SLC30A8: variants seen among roughly 807,000 people sequenced by gnomAD.
SLC30A8 encodes proton-coupled zinc antiporter SLC30A8.
A neutral mutation model predicts 36.9 loss-of-function variants in SLC30A8; 27 were observed. The observed-to-expected ratio is 0.73, with a 90% CI of 0.54 to 1.01. The LOEUF (loss-of-function observed/expected upper bound fraction) is 1.01, where lower values mean the gene tolerates loss of function less well. Ranked by LOEUF, SLC30A8 falls within the 50% of genes least tolerant of loss-of-function variation. The pLI, the probability that SLC30A8 is intolerant of heterozygous loss-of-function variation, is 0.00. For synonymous variants in SLC30A8, 164 were observed against 172.4 expected (o/e 0.95, Z 0.38); for missense variants, 439 against 452.0 (o/e 0.97, Z 0.26).
chr8:116,950,546 A>G (rs1267381303), upstream of SLC30A8: 1 of 152,254 alleles, frequency 6.6e-6, no homozygotes, highest in African/African-American at 2.4e-5. Context: ...AAGGCGTCTC[A>G]GGACTGAACT....
chr8:116,969,248 T>C (rs1189573571), intron 1 of SLC30A8, among the ~76,000 whole-genome samples: 2 of 152,026 alleles, frequency 1.3e-5, no homozygotes, highest in African/African-American at 4.8e-5. Flanking sequence ...TGAAACCCCA[T>C]CTCTACTAAA....
chr8:117,099,865 C>T (rs1214760034), intron 2 of SLC30A8, among the ~76,000 whole-genome samples: 1 of 152,140 alleles, frequency 6.6e-6, no homozygotes, highest in Non-Finnish European at 1.5e-5. Context: ...GCTTTACATA[C>T]TGTATTTCAT....
At chr8:117,162,179 A>G (rs1031502766) in intron 5 of SLC30A8, among the ~76,000 whole-genome samples, 1 of 152,224 alleles carries the variant, frequency 6.6e-6, no homozygotes, top group Non-Finnish European at 1.5e-5. Context: ...GACAGACATC[A>G]AAGTAGAAAT....
At chr8:116,980,818 T>C (rs1815226367) in intron 1 of SLC30A8, among the ~76,000 whole-genome samples, 1 of 152,226 alleles carries the variant, frequency 6.6e-6, no homozygotes, top group Admixed American at 6.5e-5. Context: ...AATGCACATA[T>C]GAATATTTCT....
At position 117,176,183 on chromosome 8, in the gene SLC30A8, T is replaced by G. The variant is rs1271689212; in HGVS notation, c.*3502T>G. ...TCACTTACTTAATATCTGTTAAATT[T>G]TGTGACCCAACAAAGTCTTTTAGCA... On this transcript the variant is annotated 3_prime_UTR_variant, in exon 8 of 8. Transcript: ENST00000456015. 1 of 152,348 alleles carries G rather than the reference T, an allele frequency of 6.6e-6. No individual in the cohort carries two copies. The highest frequency in any genetic ancestry group is 2.4e-5 in the African/African-American group (1 of 41,434). The allele number at this position is 152,348 out of a possible 1,614,324, so 9.4% of individuals were successfully genotyped here.
chr8:116,969,670 A>G (rs913227297), intron 1 of SLC30A8, among the ~76,000 whole-genome samples: 2 of 152,186 alleles, frequency 1.3e-5, no homozygotes, highest in African/African-American at 4.8e-5. Flanking sequence ...CCTAGGCTGC[A>G]AATCTGTACT....
At chr8:117,122,494 G>C (rs1022531391) in intron 2 of SLC30A8, among the ~76,000 whole-genome samples, 17 of 152,068 alleles carry the variant, frequency 1.1e-4, no homozygotes, top group Non-Finnish European at 1.8e-4. Flanking sequence ...CACCTACAAG[G>C]CTTGTAACTC....
intron 2 of SLC30A8, among the ~76,000 whole-genome samples, chr8:117,100,227 G>GT (rs1439415085): frequency 6.6e-6 from 1 of 152,014 alleles, no homozygotes; most frequent in Non-Finnish European, 1.5e-5. Context: ...AATTTTAGTG[G>GT]ATGGGTATTA....
At chr8:117,011,234 C>T (rs1398318311) in intron 1 of SLC30A8, among the ~76,000 whole-genome samples, 2 of 152,164 alleles carry the variant, frequency 1.3e-5, no homozygotes, top group Admixed American at 1.3e-4. Flanking sequence ...ACCAGATCCT[C>T]CCCTGGACTT....
chr8:117,024,218 A>G (rs1055666393), intron 1 of SLC30A8, among the ~76,000 whole-genome samples: 2 of 152,228 alleles, frequency 1.3e-5, no homozygotes, highest in African/African-American at 4.8e-5. Context: ...TCTGCAAAAA[A>G]CAAATTGTGT....
At chr8:117,167,840 AT>A (rs1305454600) in intron 6 of SLC30A8, among the ~76,000 whole-genome samples, 1 of 152,052 alleles carries the variant, frequency 6.6e-6, no homozygotes, top group Non-Finnish European at 1.5e-5. Flanking sequence ...CTTTATTAGT[AT>A]GTTTTTTCAC....
chr8:117,093,230 T>C (rs1312986184), intron 2 of SLC30A8, among the ~76,000 whole-genome samples: 3 of 151,918 alleles, frequency 2.0e-5, no homozygotes, highest in African/African-American at 4.8e-5. Context: ...TGTCTGTGAC[T>C]CCTCTTAGAC....
intron 1 of SLC30A8, among the ~76,000 whole-genome samples, chr8:117,146,331 A>G (rs1821893884): frequency 6.6e-6 from 1 of 152,224 alleles, no homozygotes; most frequent in Non-Finnish European, 1.5e-5. Flanking sequence ...GTGAAATTCT[A>G]TGAATGAATC....
At chr8:116,967,382 A>C (rs1814632553) in intron 1 of SLC30A8, among the ~76,000 whole-genome samples, 1 of 152,210 alleles carries the variant, frequency 6.6e-6, no homozygotes, top group Admixed American at 6.5e-5. Flanking sequence ...AATTTGAGCT[A>C]GTGTCTATCT....
At chr8:117,136,925 ATAAAT>A (rs1305087634) in intron 1 of SLC30A8, among the ~76,000 whole-genome samples, 1 of 152,026 alleles carries the variant, frequency 6.6e-6, no homozygotes, top group Non-Finnish European at 1.5e-5. Flanking sequence ...GTCAAGGGAA[ATAAAT>A]TAAATCTGGA....
intron 2 of SLC30A8, among the ~76,000 whole-genome samples, chr8:117,059,516 T>C (rs1025654135): frequency 6.6e-6 from 1 of 152,162 alleles, no homozygotes; most frequent in Non-Finnish European, 1.5e-5. Flanking sequence ...TCAGGTCTTA[T>C]CTTAGGCAAC....
chr8:116,994,244 T>G (rs566935093), intron 1 of SLC30A8, among the ~76,000 whole-genome samples: 45 of 152,196 alleles, frequency 3.0e-4, no homozygotes, highest in Middle Eastern at 3.4e-3. Context: ...GAAAATAGTT[T>G]GGCACTGCTA....
upstream of SLC30A8, among the ~76,000 whole-genome samples, chr8:117,133,845 C>T (rs1438616019): frequency 6.6e-6 from 1 of 151,968 alleles, no homozygotes; most frequent in Non-Finnish European, 1.5e-5. Flanking sequence ...CCCAGGATTT[C>T]AATGCCTTCA....
chr8:116,952,627 A>G (rs1273764640), intron 1 of SLC30A8, among the ~76,000 whole-genome samples: 1 of 151,992 alleles, frequency 6.6e-6, no homozygotes, highest in East Asian at 1.9e-4. Context: ...TTGTTTTCTT[A>G]GAGAAAAAAA....
Sources: allele counts gnomAD v4.1 joint callset (sites outside exome capture counted in the v4.1 genomes callset), GRCh38; gene constraint gnomAD v4.1.1; transcripts MANE v1.5; gene names NCBI Gene and HGNC (gene_info 2026-07-23, HGNC 2026-07-21).